Variants in APOBEC3C observed in about 807,000 individuals in gnomAD.
The protein encoded by APOBEC3C is apolipoprotein B mRNA editing enzyme catalytic subunit 3C.
APOBEC3C carries 14 observed loss-of-function variants against 20.6 expected under a neutral mutation model. The ratio of observed to expected loss-of-function variants is 0.68; its 90% CI spans 0.45 to 1.06. APOBEC3C has a LOEUF of 1.06. APOBEC3C is among the 50% of genes least tolerant of loss of function. The pLI is 0.00. For synonymous variants in APOBEC3C, 98 were observed against 88.8 expected, an observed-to-expected ratio of 1.10 and a Z score of -0.58; for missense variants, 244 against 241.9, an observed-to-expected ratio of 1.01 and a Z score of -0.06.
At chr22:39,014,873 T>C (rs373960771) in intron 1 of APOBEC3C, among the ~76,000 whole-genome samples, 2 of 152,194 alleles carry the variant, frequency 1.3e-5, no homozygotes, top group South Asian at 4.1e-4. Flanking sequence ...CTTCCAAAGA[T>C]GCCTCCACTG....
chr22:39,019,451 T>C lies in APOBEC3C; in HGVS notation c.*1064T>C, dbSNP rs1227867462. ...ACTCCGTGTATGTCTCAAATTACAA[T>C]TCTTTCTTTGCAAATGAAATATGAA... On this transcript the variant is annotated 3_prime_UTR_variant, in exon 4 of 4. Transcript: ENST00000361441. The C allele has an allele frequency of 1.3e-5, 2 of 152,242 alleles. No individual in the cohort carries two copies. The highest frequency in any genetic ancestry group is 2.9e-5 in the Non-Finnish European group (2 of 68,036). The allele number at this position is 152,242 out of a possible 1,614,324, so 9.4% of individuals were successfully genotyped here.
Position 39,018,088 on chromosome 22 carries a change from G to C in APOBEC3C, c.454+43G>C, listed in dbSNP as rs768246439. 2.5e-6 allele frequency: 4 copies of C among 1,603,870 alleles called. No individual in the cohort carries two copies. In the South Asian group the frequency reaches 4.4e-5, roughly 18 times the overall value. On this transcript the variant is annotated intron_variant, in intron 3 of 3. Transcript: ENST00000361441. The stretch of plus-strand genomic sequence containing the variant: ...GAGGAGAGTGGGTGCAGGAGGGACA[G>C]CATGAGGGGCAGATGGTTCTCCAAT...
chr22:39,014,289 C>G lies in APOBEC3C; in HGVS notation c.-74C>G, dbSNP rs570284177. The G allele has an allele frequency of 1.3e-6, 2 of 1,596,162 alleles. No individual in the cohort carries two copies. The highest frequency in any genetic ancestry group is 4.5e-5 in the East Asian group (2 of 44,752). ...AGAGGGCTGCTCAACTGCAAGGACG[C>G]TGTAAGCAGGAAGAGAAGCCACAGC... On this transcript the variant is annotated 5_prime_UTR_variant, in exon 1 of 4. Coordinates refer to ENST00000361441, the MANE Select transcript of APOBEC3C (RefSeq NM_014508.3).
Position 39,017,830 on chromosome 22 carries a change from TG to T in APOBEC3C, c.240del (p.Ser81LeufsTer34). 6.2e-7 allele frequency: 1 copy of T among 1,614,128 alleles called. No individual in the cohort carries two copies. The highest frequency in any genetic ancestry group is 8.5e-7 in the Non-Finnish European group (1 of 1,179,972). On this transcript the variant is annotated frameshift_variant, in exon 3 of 4. Coordinates refer to ENST00000361441, the MANE Select transcript of APOBEC3C (RefSeq NM_014508.3). LOFTEE classifies it high-confidence loss of function. ...CFLSWFCDDI[L>X]SPNTKYQVTW... ...CTCTCTTGGTTCTGCGACGACATAC[TG>T]TCTCCTAACACAAAGTACCAGGTCA...
Position 39,017,773 on chromosome 22 carries a change from C to G in APOBEC3C, c.182C>G (p.Ser61Cys), listed in dbSNP as rs901074554. The change falls in exon 3 of 4, where the codon TCT (serine) becomes TGT (cysteine). Residue 61 changes from serine to cysteine, a missense_variant. By Grantham distance (112) the Ser-to-Cys change is moderately radical (BLOSUM62 -1). Coordinates refer to ENST00000361441, the MANE Select transcript of APOBEC3C (RefSeq NM_014508.3). ...CTCCTCCTCCTTCGCCAGGTGGATTCTGAGACCCATTGTCATGCAGAAAGG... is the reference window on the plus strand; with the variant it reads ...CTCCTCCTCCTTCGCCAGGTGGATTGTGAGACCCATTGTCATGCAGAAAGG... ...KTGVFRNQVD[S>C]ETHCHAERCF... is the part of the protein sequence containing the mutation. 14 of 1,612,638 alleles carry G rather than the reference C, an allele frequency of 8.7e-6. No homozygotes were observed. The highest frequency in any genetic ancestry group is 4.0e-5 in the African/African-American group (3 of 74,896).
At chr22:39,015,294 A>T (rs1268616921) in intron 1 of APOBEC3C, among the ~76,000 whole-genome samples, 11 of 119,008 alleles carry the variant, frequency 9.2e-5, no homozygotes, top group East Asian at 2.1e-4. Context: ...TGCCGTCTTT[A>T]AAAAAAAAAA....
intron 2 of APOBEC3C, 22 bp from the exon 3 acceptor site, chr22:39,017,744 C>T: frequency 6.4e-7 from 1 of 1,554,298 alleles, no homozygotes; most frequent in Non-Finnish European, 8.8e-7. Flanking sequence ...GCTCCCCTGT[C>T]CTCCTCCTCC....
intron 2 of APOBEC3C, among the ~76,000 whole-genome samples, chr22:39,015,976 C>T (rs2012742): frequency 0.65 from 97,971 of 150,428 alleles, 32,176 homozygotes; most frequent in Admixed American, 0.67. Flanking sequence ...TCCAGGTTCA[C>T]GCGATTCTCC....
chr22:39,016,513 G>A (rs964855695), intron 2 of APOBEC3C, among the ~76,000 whole-genome samples: 3 of 151,060 alleles, frequency 2.0e-5, no homozygotes, highest in African/African-American at 4.9e-5. Context: ...CACTGTGCCC[G>A]GCCTCCCCAC....
In APOBEC3C at chr22:39,018,279, T is replaced by C. The variant is rs1924877928; in HGVS notation, c.465T>C (p.Tyr155=). The part of the protein sequence containing the change: ...VEIMDYEDFK[Y]CWENFVYNDN... Reference sequence around the variant, plus strand: ...CTTGTTTTTTCTCAGATTTTAAATATTGTTGGGAAAACTTTGTGTACAATG... The same window carrying C: ...CTTGTTTTTTCTCAGATTTTAAATACTGTTGGGAAAACTTTGTGTACAATG... The change falls in exon 4 of 4, where the codon TAT becomes TAC. Residue 155 remains tyrosine (Y), a synonymous_variant. Coordinates refer to ENST00000361441, the MANE Select transcript of APOBEC3C (RefSeq NM_014508.3). The C allele has an allele frequency of 6.2e-7, 1 of 1,613,740 alleles. No homozygotes were observed. Among genetic ancestry groups the C allele is most frequent in the Non-Finnish European group, 8.5e-7 (1 of 1,179,782 alleles).
In APOBEC3C at chr22:39,018,037, A is replaced by T. The variant is rs202215677; in HGVS notation, c.446A>T (p.Asp149Val). The change falls in exon 3 of 4, where the codon GAC becomes GTC. Residue 149 changes from aspartate to valine, a missense_variant. By Grantham distance (152) the Asp-to-Val change is radical. Transcript: ENST00000361441. ...SQEGVAVEIM[D>V]YEDFKYCWEN... ...GAAGGGGTCGCTGTGGAGATCATGG[A>T]CTATGAAGGTGAGACGTGGGGGGCT... The T allele has an allele frequency of 6.2e-7, 1 of 1,613,938 alleles. No individual in the cohort carries two copies. The highest frequency in any genetic ancestry group is 1.1e-5 in the South Asian group (1 of 91,070).
intron 2 of APOBEC3C, among the ~76,000 whole-genome samples, chr22:39,017,022 G>A (rs2090178205): frequency 6.6e-6 from 1 of 152,074 alleles, no homozygotes; most frequent in Non-Finnish European, 1.5e-5. Flanking sequence ...TCATGAGGTT[G>A]GGAGTTCGAG....
rs372063983 is a variant in APOBEC3C at position 39,014,314 on chromosome 22, C to T, written c.-49C>T. The T allele has an allele frequency of 4.3e-5, 69 of 1,613,144 alleles. No individual in the cohort carries two copies. The highest frequency in any genetic ancestry group is 2.9e-4 in the African/African-American group (22 of 74,904). On this transcript the variant is annotated 5_prime_UTR_variant, in exon 1 of 4. Transcript: ENST00000361441. ...CTGTAAGCAGGAAGAGAAGCCACAG[C>T]GCTTCAGAAAAGAGTGGGACAGGGA...
At chr22:39,018,202 G>T (rs6001383) in intron 3 of APOBEC3C, 67 bp from the exon 4 acceptor site, 1 of 1,577,688 alleles carries the variant, frequency 6.3e-7, no homozygotes, top group African/African-American at 1.4e-5. Flanking sequence ...TGGGCTGGGA[G>T]GGGAGGGCCC....
At position 39,018,463 on chromosome 22, in the gene APOBEC3C, A is replaced by AC; in HGVS notation, c.*79dup. On this transcript the variant is annotated 3_prime_UTR_variant, in exon 4 of 4. Coordinates refer to ENST00000361441, the MANE Select transcript of APOBEC3C (RefSeq NM_014508.3). ...TGCACGGGCCTCCCCTCCACCCTGG[A>AC]CCCGCTCTGTTTCTGCCTGGTCATC... 1 of 1,527,618 alleles carries AC rather than the reference A, an allele frequency of 6.5e-7. No individual in the cohort carries two copies. The highest frequency in any genetic ancestry group is 2.3e-5 in the East Asian group (1 of 44,044). 94.6% of individuals were successfully genotyped at this position (1,527,618 alleles called of 1,614,324 possible).
intron 2 of APOBEC3C, 72 bp downstream of exon 2, chr22:39,015,823 G>A (rs1380125673): frequency 3.3e-6 from 5 of 1,499,114 alleles, no homozygotes; most frequent in Non-Finnish European, 4.5e-6. Context: ...GCAACAATAA[G>A]TGATGTGCCC....
At chr22:39,017,643 A>T in intron 2 of APOBEC3C, 123 bp from the exon 3 acceptor site, 2 of 1,302,704 alleles carry the variant, frequency 1.5e-6, no homozygotes, top group Non-Finnish European at 2.1e-6. Context: ...CCCTGTCTCA[A>T]AAATGAGTAA....
rs780375676 is a variant in APOBEC3C at position 39,015,577 on chromosome 22, T to C, written c.18-18T>C. 1.2e-6 allele frequency: 2 copies of C among 1,612,378 alleles called. No homozygotes were observed. The highest frequency in any genetic ancestry group is 1.7e-6 in the Non-Finnish European group (2 of 1,178,908). ...GTGCGGGGGTCTCTGCATTGGGGTTTCTCTCTTGTGCCTTCAGAAACCCGA... is the reference window on the plus strand; with the variant it reads ...GTGCGGGGGTCTCTGCATTGGGGTTCCTCTCTTGTGCCTTCAGAAACCCGA... On this transcript the variant is annotated intron_variant, in intron 1 of 3. Coordinates refer to ENST00000361441, the MANE Select transcript of APOBEC3C (RefSeq NM_014508.3).
Position 39,014,274 on chromosome 22 carries a change from T to C in APOBEC3C, c.-89T>C, listed in dbSNP as rs565806595. On this transcript the variant is annotated 5_prime_UTR_variant, in exon 1 of 4. Transcript: ENST00000361441. ...GGGAGGTCACTTTAAAGAGGGCTGC[T>C]CAACTGCAAGGACGCTGTAAGCAGG... 31 of 1,559,420 alleles carry C rather than the reference T, an allele frequency of 2.0e-5. No homozygotes were observed. The highest frequency in any genetic ancestry group is 2.3e-5 in the Non-Finnish European group (26 of 1,131,300).
Sources: allele counts gnomAD v4.1 joint callset (sites outside exome capture counted in the v4.1 genomes callset), GRCh38; gene constraint gnomAD v4.1.1; transcripts MANE v1.5; gene names NCBI Gene and HGNC (gene_info 2026-07-23, HGNC 2026-07-21).